Variants in FN1 observed in about 807,000 individuals in gnomAD.
FN1 encodes the protein fibronectin.
FN1 carries 106 observed loss-of-function variants against 297.3 expected under a neutral mutation model. That is an observed-to-expected ratio of 0.36 (90% CI 0.30 to 0.42). The LOEUF (loss-of-function observed/expected upper bound fraction) is 0.42, where lower values mean the gene tolerates loss of function less well. Among genes scored for constraint, FN1 ranks in the 10% least tolerant of loss-of-function variants. FN1 has a pLI of 1.00. For missense variants in FN1, 2,690 were observed against 3,124.9 expected, an observed-to-expected ratio of 0.86 and a Z score of 3.32; for synonymous variants, 1,149 against 1,152.6, an observed-to-expected ratio of 1.00 and a Z score of 0.06.
At chr2:215,410,884 T>C (rs1157446767) in intron 13 of FN1, among the ~76,000 whole-genome samples, 1 of 152,238 alleles carries the variant, frequency 6.6e-6, no homozygotes, top group Non-Finnish European at 1.5e-5. Flanking sequence ...CTCTCTCACT[T>C]ATTTTTTATT....
At chr2:215,366,649 T>C (rs1262132821) in intron 42 of FN1, among the ~76,000 whole-genome samples, 1 of 152,202 alleles carries the variant, frequency 6.6e-6, no homozygotes, top group Non-Finnish European at 1.5e-5. Context: ...AATATACTAC[T>C]TTTTCCATTT....
Position 215,375,700 on chromosome 2 carries a change from T to G in FN1, c.5906A>C (p.Asp1969Ala). ...YTITGLQPGT[D>A]YKIYLYTLND... ...CAAGGTGTACAGGTAGATCTTGTAG[T>G]CAGTGCCTGGTTGTAAACCTGGGAT... Residue 1969 changes from aspartate to alanine, a missense_variant, in exon 37 of 46, where the codon GAC becomes GCC. By Grantham distance (126) the Asp-to-Ala change is moderately radical. Transcript: ENST00000354785. 6.2e-7 allele frequency: 1 copy of G among 1,611,320 alleles called. No individual in the cohort carries two copies.
chr2:215,388,716 T>G (rs758373540), intron 26 of FN1, among the ~76,000 whole-genome samples: 1 of 152,226 alleles, frequency 6.6e-6, no homozygotes, highest in Non-Finnish European at 1.5e-5. Flanking sequence ...TTAAAAGCAA[T>G]TTCTTGTCAT....
At chr2:215,431,646 C>T (rs897794284) in intron 4 of FN1, among the ~76,000 whole-genome samples, 187 bp downstream of exon 4, 1 of 152,158 alleles carries the variant, frequency 6.6e-6, no homozygotes, top group Non-Finnish European at 1.5e-5. Context: ...GTAGTCAGTA[C>T]TTTTTGATCT....
At chr2:215,406,983 A>C in intron 18 of FN1, 144 bp downstream of exon 18, 2 of 716,086 alleles carry the variant, frequency 2.8e-6, no homozygotes, top group Non-Finnish European at 5.0e-6. Flanking sequence ...TACTTATGAC[A>C]TTTCAGCTAA....
intron 2 of FN1, among the ~76,000 whole-genome samples, chr2:215,434,246 A>G (rs951594663): frequency 6.6e-6 from 1 of 152,184 alleles, no homozygotes; most frequent in Non-Finnish European, 1.5e-5. Context: ...GAAAAATATC[A>G]TTGGTCCTAA....
chr2:215,385,196 GTTT>G (rs1352748405), intron 28 of FN1, among the ~76,000 whole-genome samples: 3 of 145,534 alleles, frequency 2.1e-5, no homozygotes, highest in Non-Finnish European at 3.0e-5. Context: ...TTGGGGAAGA[GTTT>G]TTTTCCCTCA....
Position 215,383,501 on chromosome 2 carries a change from G to T in FN1, c.4895-18C>A, listed in dbSNP as rs1169283352. 1.9e-6 allele frequency: 3 copies of T among 1,613,932 alleles called. No individual in the cohort carries two copies. Among genetic ancestry groups the T allele is most frequent in the Non-Finnish European group, 2.5e-6 (3 of 1,179,948 alleles). ...GTCAATTTCTACAAATAAAAGCAGG[G>T]AGAAACCAGTGAAGCCCCAGTCCTT... On this transcript the variant is annotated intron_variant, in intron 30 of 45. Transcript: ENST00000354785.
intron 23 of FN1, among the ~76,000 whole-genome samples, chr2:215,396,468 T>C (rs1320652455): frequency 2.0e-5 from 3 of 152,168 alleles, no homozygotes; most frequent in Non-Finnish European, 4.4e-5. Flanking sequence ...ATGCTTCATT[T>C]AAAGCTCTAA....
At chr2:215,432,006 G>C (rs375783458) in intron 3 of FN1, 42 bp from the exon 4 acceptor site, 16 of 1,602,582 alleles carry the variant, frequency 1.0e-5, no homozygotes, top group Non-Finnish European at 1.0e-5. Flanking sequence ...GGGCAGAACA[G>C]ATTTTTTTTT....
chr2:215,419,229 T>C lies in FN1; in HGVS notation c.1819+13A>G. The C allele has an allele frequency of 6.2e-7, 1 of 1,613,320 alleles. No individual in the cohort carries two copies. The highest frequency in any genetic ancestry group is 1.3e-5 in the African/African-American group (1 of 75,010). ...ATTGGCAGTTCTCAACTTGCAGTAA[T>C]AGAGCTACTTACTTGGATAGGTCTG... On this transcript the variant is annotated intron_variant, in intron 12 of 45. Transcript: ENST00000354785.
In FN1 at chr2:215,370,273, A is replaced by G. The variant is rs759556957; in HGVS notation, c.6853+21T>C. 3 of 1,613,274 alleles carry G rather than the reference A, an allele frequency of 1.9e-6. No homozygotes were observed. The African/African-American group carries it at 4.0e-5, about 22-fold the overall frequency. ...GTACAGCAGAGGGGAGCCTGTGTCT[A>G]AATAGTACGTGTTTACATACCAGAG... On this transcript the variant is annotated intron_variant, in intron 41 of 45. Transcript: ENST00000354785.
intron 37 of FN1, 76 bp from the exon 38 acceptor site, chr2:215,375,469 G>A (rs2057105749): frequency 1.8e-5 from 25 of 1,411,144 alleles, no homozygotes; most frequent in Admixed American, 3.8e-5. Flanking sequence ...CTCCCGAGCC[G>A]TTCTAAACAC....
intron 43 of FN1, among the ~76,000 whole-genome samples, 177 bp downstream of exon 43, chr2:215,365,328 T>C (rs531209968): frequency 3.5e-4 from 53 of 152,314 alleles, no homozygotes; most frequent in African/African-American, 1.2e-3. Context: ...TAACATTAAA[T>C]CATGACTCAT....
At chr2:215,371,041 G>A (rs370182311) in intron 40 of FN1, among the ~76,000 whole-genome samples, 18 of 152,274 alleles carry the variant, frequency 1.2e-4, no homozygotes, top group Admixed American at 2.6e-4. Flanking sequence ...AGGCCAAGGC[G>A]GGCGGATCAC....
intron 40 of FN1, among the ~76,000 whole-genome samples, chr2:215,370,708 G>A (rs79379986): frequency 2.0e-3 from 298 of 152,102 alleles, no homozygotes; most frequent in African/African-American, 2.9e-3. Context: ...TACTAGAGAC[G>A]GCCTGCCATT....
In FN1 at chr2:215,391,791, G is replaced by A. The variant is rs779973526; in HGVS notation, c.4093C>T (p.Arg1365Ter). 3 of 1,614,090 alleles carry A rather than the reference G, an allele frequency of 1.9e-6. No individual in the cohort carries two copies. The highest frequency in any genetic ancestry group is 2.5e-6 in the Non-Finnish European group (3 of 1,179,948). The change falls in exon 26 of 46, where the codon CGA becomes TGA. Residue 1365 changes from arginine (R) to a stop codon, truncating the protein, a stop_gained. Transcript: ENST00000354785. LOFTEE classifies it high-confidence loss of function. ...GTGTCTGGACCAATGTTGGTGAATC[G>A]CAGGTCAGTGGGAGGAGGAACAGCT... ...QTAVPPPTDL[R>*]FTNIGPDTMR...
In FN1 at chr2:215,424,330, A is replaced by G. The variant is rs746759849; in HGVS notation, c.1037-5T>C. The G allele has an allele frequency of 6.2e-7, 1 of 1,612,632 alleles. No homozygotes were observed. The highest frequency in any genetic ancestry group is 1.1e-5 in the South Asian group (1 of 91,032). Reference sequence around the variant, plus strand: ...CACCGTAAGTCTGGGTTACAGCTACAATCATAATCAAAAGAGTGTCAGTAA... The same window carrying G: ...CACCGTAAGTCTGGGTTACAGCTACGATCATAATCAAAAGAGTGTCAGTAA... On this transcript the variant is annotated splice_region_variant and splice_polypyrimidine_tract_variant and intron_variant, in intron 7 of 45. Coordinates refer to ENST00000354785, the MANE Select transcript of FN1 (RefSeq NM_212482.4).
intron 26 of FN1, among the ~76,000 whole-genome samples, chr2:215,389,496 C>CA (rs2059445593): frequency 6.6e-6 from 1 of 151,928 alleles, no homozygotes; most frequent in Non-Finnish European, 1.5e-5. Context: ...GTGTAAGCAT[C>CA]ATAGAGTGTA....
Sources: allele counts gnomAD v4.1 joint callset (sites outside exome capture counted in the v4.1 genomes callset), GRCh38; gene constraint gnomAD v4.1.1; transcripts MANE v1.5; gene names NCBI Gene and HGNC (gene_info 2026-07-23, HGNC 2026-07-21).